SPAG11A: variants seen among roughly 807,000 people sequenced by gnomAD.
SPAG11A encodes the protein sperm-associated antigen 11A.
Under a neutral mutation model 5.5 loss-of-function variants are expected in SPAG11A, and 2 were observed. That is an observed-to-expected ratio of 0.37 (90% CI 0.15 to 1.15). SPAG11A has a LOEUF of 1.15. Ranked by LOEUF, SPAG11A falls within the 50% of genes most tolerant of loss-of-function variation. The probability of loss-of-function intolerance (pLI) is 0.38; values close to 1 mark genes in which losing one functional copy is unlikely to be tolerated. For missense variants in SPAG11A, 24 were observed against 122.5 expected, an observed-to-expected ratio of 0.20 and a Z score of 3.80; for synonymous variants, 11 against 42.7, an observed-to-expected ratio of 0.26 and a Z score of 2.90.
chr8:7,856,750 C>CT (rs1477532278), intron 2 of SPAG11A, among the ~76,000 whole-genome samples: 11 of 102,302 alleles, frequency 1.1e-4, no homozygotes, highest in African/African-American at 3.4e-4. Context: ...GAATAATTAG[C>CT]TTGTGTGTTG....
At chr8:7,858,816 G>A (rs1477480824) in intron 2 of SPAG11A, among the ~76,000 whole-genome samples, 2 of 21,294 alleles carry the variant, frequency 9.4e-5, no homozygotes, top group African/African-American at 1.7e-4. Flanking sequence ...ATGTTGCTGG[G>A]AAATAAGCTA....
rs988302467 is a variant in SPAG11A at position 7,858,648 on chromosome 8, A to G, written c.215-1998A>G. On this transcript the variant is annotated intron_variant, in intron 2 of 2. Coordinates refer to ENST00000642566, the Ensembl canonical transcript of SPAG11A. The stretch of plus-strand genomic sequence containing the variant: ...GTTGTACACATCTTCTTGTTTTTCT[A>G]TTCTTGTTGTGGTGTGGAAATACAT... 1.8e-4 allele frequency among the ~76,000 whole-genome samples: 13 copies of G among 70,712 alleles called. No homozygotes were observed. The Admixed American group carries it at 1.9e-3, about 11-fold the overall frequency. 46.4% of individuals were successfully genotyped at this position (70,712 alleles called of 152,430 possible).
At chr8:7,860,369 T>C (rs1341506270) in intron 2 of SPAG11A, 1 of 1,430,108 alleles carries the variant, frequency 7.0e-7, no homozygotes, top group African/African-American at 1.4e-5. Context: ...ACCAGGAGGC[T>C]CGAGGACCCT....
chr8:7,852,854 CTAT>C (rs1358350665), intron 2 of SPAG11A, among the ~76,000 whole-genome samples: 47 of 51,948 alleles, frequency 9.0e-4, no homozygotes, highest in Middle Eastern at 0.014. Flanking sequence ...TAGAGCCCTT[CTAT>C]TTTTTTTTTT....
At chr8:7,852,229 A>G (rs2128926849) in intron 2 of SPAG11A, among the ~76,000 whole-genome samples, 1 of 151,784 alleles carries the variant, frequency 6.6e-6, no homozygotes, top group African/African-American at 2.4e-5. Context: ...ATTACTGTGT[A>G]GTTGAGCGTT....
chr8:7,857,622 T>TC lies in SPAG11A; in HGVS notation c.215-3023dup, dbSNP rs563102710. On this transcript the variant is annotated intron_variant, in intron 2 of 2. Transcript: ENST00000642566. Reference sequence around the variant, plus strand: ...TAACATTTAAGGTAACTTTTTTTTTTCTCTCTTTTTTTTTGATGGAGGGTC... The same window carrying TC: ...TAACATTTAAGGTAACTTTTTTTTTTCCTCTCTTTTTTTTTGATGGAGGGTC... Among the ~76,000 whole-genome samples, 509 of 77,242 alleles carry TC rather than the reference T, an allele frequency of 6.6e-3. 40 individuals carry two copies. Among genetic ancestry groups the TC allele is most frequent in the African/African-American group, 0.016 (483 of 30,662 alleles). 50.7% of individuals were successfully genotyped at this position (77,242 alleles called of 152,430 possible). A position where few individuals can be genotyped will look rare whatever the true frequency, so the allele number is the denominator to read the frequency against.
chr8:7,857,635 T>C (rs1310035243), intron 2 of SPAG11A, among the ~76,000 whole-genome samples: 1 of 87,528 alleles, frequency 1.1e-5, no homozygotes, highest in Non-Finnish European at 2.9e-5. Flanking sequence ...CTCTTTTTTT[T>C]TGATGGAGGG....
chr8:7,852,857 T>TA, intron 2 of SPAG11A, among the ~76,000 whole-genome samples: 1 of 2,770 alleles, frequency 3.6e-4, no homozygotes, highest in Non-Finnish European at 1.9e-3. Flanking sequence ...AGCCCTTCTA[T>TA]TTTTTTTTTT....
At chr8:7,858,293 A>G (rs964673171) in intron 2 of SPAG11A, among the ~76,000 whole-genome samples, 4 of 116,568 alleles carry the variant, frequency 3.4e-5, no homozygotes, top group African/African-American at 1.1e-4. Context: ...TTAATACCAC[A>G]CATTATATAA....
At chr8:7,852,386 T>C (rs1461250917) in intron 2 of SPAG11A, among the ~76,000 whole-genome samples, 2 of 152,242 alleles carry the variant, frequency 1.3e-5, no homozygotes, top group Non-Finnish European at 2.9e-5. Context: ...CGATTTTGGC[T>C]CACCACCACC....
chr8:7,860,568 T>A lies in SPAG11A; in HGVS notation c.215-78T>A, dbSNP rs531421852. On this transcript the variant is annotated intron_variant, in intron 2 of 2. Coordinates refer to ENST00000642566, the Ensembl canonical transcript of SPAG11A. Reference sequence around the variant, plus strand: ...TTAGCCTTGTCAGAATATATAACCCTTGGCAGTGGGCTGGGTTCATCTTCT... The same window carrying A: ...TTAGCCTTGTCAGAATATATAACCCATGGCAGTGGGCTGGGTTCATCTTCT... 35 of 1,382,480 alleles carry A rather than the reference T, an allele frequency of 2.5e-5. 6 individuals are homozygous for A. Among genetic ancestry groups the A allele is most frequent in the Non-Finnish European group, 3.4e-5 (35 of 1,029,782 alleles). 85.6% of individuals were successfully genotyped at this position (1,382,480 alleles called of 1,614,324 possible). A position where few individuals can be genotyped will look rare whatever the true frequency, so the allele number is the denominator to read the frequency against.
At chr8:7,851,885 T>G (rs1817933154) in intron 2 of SPAG11A, among the ~76,000 whole-genome samples, 1 of 95,944 alleles carries the variant, frequency 1.0e-5, no homozygotes, top group African/African-American at 4.1e-5. Context: ...AACCCCTGGG[T>G]GGGAAGCATA....
intron 2 of SPAG11A, chr8:7,860,325 A>T (rs1818161788): frequency 7.0e-7 from 1 of 1,424,954 alleles, no homozygotes; most frequent in African/African-American, 1.4e-5. Context: ...TGTTTTCCAA[A>T]ACTCCCTTTG....
At position 7,852,579 on chromosome 8, in the gene SPAG11A, C is replaced by T. The variant is rs532512101; in HGVS notation, c.214+3736C>T. On this transcript the variant is annotated intron_variant, in intron 2 of 2. Transcript: ENST00000642566. ...AACTCCCGACCTCAGGTGATCTGTCCGCCTCGGCCTCCCGAAGTGCTGGAA... is the reference window on the plus strand; with the variant it reads ...AACTCCCGACCTCAGGTGATCTGTCTGCCTCGGCCTCCCGAAGTGCTGGAA... 4.1e-4 allele frequency among the ~76,000 whole-genome samples: 57 copies of T among 139,968 alleles called. No homozygotes were observed. In the South Asian group the frequency reaches 4.6e-3, roughly 11 times the overall value. 91.8% of individuals were successfully genotyped at this position (139,968 alleles called of 152,430 possible).
At chr8:7,861,353 T>A (rs1818208852), downstream of SPAG11A, among the ~76,000 whole-genome samples, 1 of 146,230 alleles carries the variant, frequency 6.8e-6, no homozygotes, top group Non-Finnish European at 1.5e-5. Context: ...AAGCTGATAG[T>A]GTGTATAATA....
chr8:7,857,856 A>G (rs1455919076), intron 2 of SPAG11A, among the ~76,000 whole-genome samples: 35 of 90,296 alleles, frequency 3.9e-4, no homozygotes, highest in Admixed American at 9.4e-4. Context: ...GTCCAAGACC[A>G]CTGCTTGATG....
chr8:7,863,213 A>AT (rs869056010), downstream of SPAG11A, among the ~76,000 whole-genome samples: 626 of 7,514 alleles, frequency 0.083, 186 homozygotes, highest in African/African-American at 0.16. Context: ...TGCAGATGGG[A>AT]TTTTTTTTTT....
At chr8:7,861,466 C>T (rs1411925615), downstream of SPAG11A, among the ~76,000 whole-genome samples, 2 of 146,368 alleles carry the variant, frequency 1.4e-5, no homozygotes, top group African/African-American at 4.9e-5. Context: ...TCTCAGTATG[C>T]CTATCAGCCA....
chr8:7,852,707 A>G (rs1326292751), intron 2 of SPAG11A, among the ~76,000 whole-genome samples: 2 of 148,988 alleles, frequency 1.3e-5, no homozygotes, highest in African/African-American at 4.9e-5. Flanking sequence ...TCCTCCATCA[A>G]TTATCTTCCC....
Sources: allele counts gnomAD v4.1 joint callset (sites outside exome capture counted in the v4.1 genomes callset), GRCh38; gene constraint gnomAD v4.1.1; transcripts MANE v1.5; gene names NCBI Gene and HGNC (gene_info 2026-07-23, HGNC 2026-07-21).